The following CARMIL1 variants were observed in gnomAD, a reference collection of about 807,000 sequenced individuals.
The protein encoded by CARMIL1 is capping protein regulator and myosin 1 linker 1, also known as F-actin-uncapping protein LRRC16A.
In CARMIL1, 90 loss-of-function variants were observed where a neutral mutation model predicts 177.1. The ratio of observed to expected loss-of-function variants is 0.51; its 90% confidence interval spans 0.43 to 0.61. CARMIL1 has a LOEUF of 0.61. Ranked by LOEUF, CARMIL1 falls within the 20% of genes least tolerant of loss-of-function variation. The pLI is 0.00. For missense variants in CARMIL1, 1,380 were observed against 1,667.0 expected, an observed-to-expected ratio of 0.83 and a Z score of 3.00; for synonymous variants, 577 against 606.2, an observed-to-expected ratio of 0.95 and a Z score of 0.71.
intron 23 of CARMIL1, among the ~76,000 whole-genome samples, chr6:25,522,988 G>A (rs1806723847): frequency 6.6e-6 from 1 of 152,040 alleles, no homozygotes; most frequent in Admixed American, 6.6e-5. Flanking sequence ...TTATAGAGAC[G>A]AGGTTTCACT....
intron 25 of CARMIL1, among the ~76,000 whole-genome samples, chr6:25,539,557 G>A (rs776668358): frequency 6.7e-6 from 1 of 149,768 alleles, no homozygotes; most frequent in Non-Finnish European, 1.5e-5. Flanking sequence ...CCCGGGAGGC[G>A]GAGGTTGCAG....
intron 17 of CARMIL1, among the ~76,000 whole-genome samples, chr6:25,505,458 CT>C (rs1216796737): frequency 3.9e-5 from 6 of 151,962 alleles, no homozygotes; most frequent in Admixed American, 6.6e-5. Context: ...TTCATTCTCT[CT>C]TTTTTTTAAT....
At chr6:25,336,449 T>C (rs1407963178) in intron 2 of CARMIL1, among the ~76,000 whole-genome samples, 1 of 152,212 alleles carries the variant, frequency 6.6e-6, no homozygotes, top group African/African-American at 2.4e-5. Flanking sequence ...GAGTGTGGGC[T>C]GTGGTCTCAG....
At chr6:25,512,405 C>T (rs1805542656) in intron 20 of CARMIL1, among the ~76,000 whole-genome samples, 2 of 152,064 alleles carry the variant, frequency 1.3e-5, no homozygotes, top group South Asian at 2.1e-4. Flanking sequence ...ATGTTCCTGC[C>T]ATTGAAAAGT....
At chr6:25,297,958 G>A (rs541728306) in intron 2 of CARMIL1, among the ~76,000 whole-genome samples, 1 of 152,288 alleles carries the variant, frequency 6.6e-6, no homozygotes, top group African/African-American at 2.4e-5. Context: ...CATTTTCTGT[G>A]TTAATAGGTA....
intron 33 of CARMIL1, among the ~76,000 whole-genome samples, chr6:25,601,503 T>C (rs1027431994): frequency 6.6e-6 from 1 of 152,176 alleles, no homozygotes; most frequent in Non-Finnish European, 1.5e-5. Context: ...GAAACTAGAT[T>C]ATATATAAAA....
chr6:25,515,660 TC>T lies in CARMIL1; in HGVS notation c.1633-14del. On this transcript the variant is annotated splice_polypyrimidine_tract_variant and intron_variant, in intron 20 of 36. Transcript: ENST00000329474. The surrounding 1 kb of genome is among the most constrained non-coding windows in gnomAD (Gnocchi z 5.0). ...TGATGAGACTGCTGAGTGCCGTGTG[TC>T]ATTTGCTCCGCAGCCTCTGCAGTCC... 1.9e-6 allele frequency: 3 copies of T among 1,588,364 alleles called. No individual in the cohort carries two copies. Among genetic ancestry groups the T allele is most frequent in the Non-Finnish European group, 2.6e-6 (3 of 1,167,256 alleles).
intron 32 of CARMIL1, among the ~76,000 whole-genome samples, chr6:25,598,518 C>G (rs1198669297): frequency 6.6e-6 from 1 of 152,164 alleles, no homozygotes; most frequent in Non-Finnish European, 1.5e-5. Context: ...GGATTATAGG[C>G]ATGAACTACC....
At position 25,518,977 on chromosome 6, in the gene CARMIL1, AAATT is replaced by A. The variant is rs563125263; in HGVS notation, c.1875-1264_1875-1261del. ...TTTTGCTAAAACAAAGCTAAGATAA[AAATT>A]AAAGCAATAGAAATTACAGCTTTCT... On this transcript the variant is annotated intron_variant, in intron 22 of 36. Transcript: ENST00000329474. Among the ~76,000 whole-genome samples, 56 of 152,360 alleles carry A rather than the reference AAATT, an allele frequency of 3.7e-4. No homozygotes were observed. The South Asian group carries it at 0.011, about 29-fold the overall frequency.
At chr6:25,569,859 T>C (rs1311136449) in intron 29 of CARMIL1, among the ~76,000 whole-genome samples, 2 of 152,058 alleles carry the variant, frequency 1.3e-5, no homozygotes, top group African/African-American at 2.4e-5. Flanking sequence ...TAATACTCAG[T>C]AGGGTTTTCC....
At position 25,619,848 on chromosome 6, in the gene CARMIL1, T is replaced by G; in HGVS notation, c.*265T>G. ...TTTGCATTTGATTTCTAAACATTCC[T>G]TCATATGCCTTTAATGAAAGCCAGC... On this transcript the variant is annotated 3_prime_UTR_variant, in exon 37 of 37. Transcript: ENST00000329474. 1 of 225,464 alleles carries G rather than the reference T, an allele frequency of 4.4e-6. No individual in the cohort carries two copies. The highest frequency in any genetic ancestry group is 8.4e-6 in the Non-Finnish European group (1 of 118,390). 14.0% of individuals were successfully genotyped at this position (225,464 alleles called of 1,614,324 possible).
At chr6:25,433,558 T>A (rs1232372446) in intron 4 of CARMIL1, among the ~76,000 whole-genome samples, 3 of 152,240 alleles carry the variant, frequency 2.0e-5, no homozygotes, top group Non-Finnish European at 2.9e-5. Context: ...AGCCTCCAGG[T>A]ACAATAATGC....
chr6:25,499,051 A>T (rs370148810), intron 16 of CARMIL1, among the ~76,000 whole-genome samples: 8 of 152,144 alleles, frequency 5.3e-5, no homozygotes, highest in Admixed American at 3.3e-4. Context: ...CCGAGCCCCT[A>T]TGTGTTCCAT....
At position 25,431,914 on chromosome 6, in the gene CARMIL1, A is replaced by C. The variant is rs538795293; in HGVS notation, c.250-3569A>C. ...AGATGAAATTATAGTGAACATTGGC[A>C]CTGCTTCTGTAAATGGCCTAGCAAT... On this transcript the variant is annotated intron_variant, in intron 4 of 36. Transcript: ENST00000329474. 7.3e-4 allele frequency among the ~76,000 whole-genome samples: 111 copies of C among 152,300 alleles called. 1 individual carries two copies. Among genetic ancestry groups the C allele is most frequent in the Non-Finnish European group, 1.0e-3 (69 of 68,014 alleles).
At chr6:25,305,463 TG>T (rs1783189256) in intron 2 of CARMIL1, among the ~76,000 whole-genome samples, 1 of 152,182 alleles carries the variant, frequency 6.6e-6, no homozygotes, top group Non-Finnish European at 1.5e-5. Context: ...GTCTTTCAGG[TG>T]AATTGTAAAG....
Position 25,420,167 on chromosome 6 carries a change from A to T in CARMIL1, c.189+3A>T. ...TAACAGCGCGAATCCCCACCAAGGT[A>T]AGTGTTGATGAAGTCCTTCCTTCTG... is the stretch of plus-strand genomic sequence containing the variant. On this transcript the variant is annotated splice_donor_region_variant and intron_variant, in intron 3 of 36. Coordinates refer to ENST00000329474, the MANE Select transcript of CARMIL1 (RefSeq NM_017640.6). 6.2e-7 allele frequency: 1 copy of T among 1,613,390 alleles called. No homozygotes were observed. The highest frequency in any genetic ancestry group is 1.1e-5 in the South Asian group (1 of 91,064).
At chr6:25,605,184 G>A (rs1815834391) in intron 34 of CARMIL1, among the ~76,000 whole-genome samples, 1 of 152,106 alleles carries the variant, frequency 6.6e-6, no homozygotes, top group South Asian at 2.1e-4. Flanking sequence ...GAGCATTTTG[G>A]AAAAGTTGGG....
chr6:25,428,424 T>G (rs1796454992), intron 4 of CARMIL1, among the ~76,000 whole-genome samples: 1 of 152,342 alleles, frequency 6.6e-6, no homozygotes, highest in East Asian at 1.9e-4. Context: ...TTTATTATTG[T>G]GGCTTGTTTA....
intron 17 of CARMIL1, 79 bp downstream of exon 17, chr6:25,500,314 A>G: frequency 1.7e-6 from 2 of 1,166,384 alleles, no homozygotes; most frequent in East Asian, 2.4e-5. Flanking sequence ...AAAATTTGAT[A>G]CTGTGATTCC....
Sources: allele counts gnomAD v4.1 joint callset (sites outside exome capture counted in the v4.1 genomes callset), GRCh38; gene constraint gnomAD v4.1.1; non-coding constraint Gnocchi (gnomAD v3.1); transcripts MANE v1.5; gene names NCBI Gene and HGNC (gene_info 2026-07-23, HGNC 2026-07-21).